The following MRTFB variants were observed in gnomAD, a reference collection of about 807,000 sequenced individuals.
The protein encoded by MRTFB is myocardin related transcription factor B, also known as myocardin-related transcription factor B.
A neutral mutation model predicts 104.2 loss-of-function variants in MRTFB; 29 were observed. The observed-to-expected ratio is 0.28, with a 90% CI of 0.21 to 0.38. The LOEUF is 0.38. MRTFB is among the 10% of genes least tolerant of loss of function. The pLI is 1.00. For missense variants in MRTFB, 1,270 were observed against 1,341.6 expected (o/e 0.95, Z 0.83); for synonymous variants, 535 against 519.5 (o/e 1.03, Z -0.41).
chr16:14,109,662 A>G lies in MRTFB; in HGVS notation c.-64+30308A>G, dbSNP rs1036081632. Among the ~76,000 whole-genome samples the G allele has an allele frequency of 1.4e-4, 21 of 152,206 alleles. 1 individual carries two copies. Among genetic ancestry groups the G allele is most frequent in the Admixed American group, 1.3e-3 (20 of 15,276 alleles). On this transcript the variant is annotated intron_variant, in intron 2 of 16. Coordinates refer to ENST00000571589, the MANE Select transcript of MRTFB (RefSeq NM_001308142.2). ...ATCACCAAGTTGTCCATTTTTATTT[A>G]GTATAAGTAATTGTCCCTGGTTACC...
intron 3 of MRTFB, among the ~76,000 whole-genome samples, chr16:14,194,881 C>T (rs2040362900): frequency 6.6e-6 from 1 of 152,082 alleles, no homozygotes; most frequent in Admixed American, 6.6e-5. Context: ...AGCCGTAAAG[C>T]TCCCAGGATG....
the MRTFB span, among the ~76,000 whole-genome samples, chr16:14,063,589 A>AT: frequency 6.6e-6 from 1 of 152,160 alleles, no homozygotes; most frequent in Non-Finnish European, 1.5e-5. Context: ...CCCACTTATA[A>AT]GTTAGAACAT....
At position 14,228,106 on chromosome 16, in the gene MRTFB, A is replaced by G. The variant is rs147405633; in HGVS notation, c.694-6040A>G. On this transcript the variant is annotated intron_variant, in intron 8 of 16. Transcript: ENST00000571589. Reference sequence around the variant, plus strand: ...AAGATACCACCTCATGCCCATTACAATGGCTACTATCAAAAGAACAAAAAA... The same window carrying G: ...AAGATACCACCTCATGCCCATTACAGTGGCTACTATCAAAAGAACAAAAAA... Among the ~76,000 whole-genome samples the G allele has an allele frequency of 1.6e-3, 248 of 152,340 alleles. 1 individual carries two copies. The highest frequency in any genetic ancestry group is 5.6e-3 in the African/African-American group (232 of 41,578).
At chr16:14,020,551 G>T in the MRTFB span, 48,748 of 151,986 alleles carry the variant, frequency 0.32, 8,828 homozygotes, top group Admixed American at 0.45. Context: ...ACTTTAGCCA[G>T]GTGGTCACGG....
intron 3 of MRTFB, chr16:14,152,216 A>C (rs894987273): frequency 2.0e-5 from 3 of 152,072 alleles, no homozygotes; most frequent in Non-Finnish European, 2.9e-5. Context: ...CACATCTCTA[A>C]ATTAAGTTTT....
At chr16:14,148,804 T>G (rs2038460859) in intron 3 of MRTFB, 1 of 152,712 alleles carries the variant, frequency 6.5e-6, no homozygotes, top group Admixed American at 6.5e-5. Flanking sequence ...CCCATGTGTC[T>G]CCCTGGCGGC....
chr16:14,214,806 T>A (rs226790), intron 6 of MRTFB: 10 of 152,314 alleles, frequency 6.6e-5, no homozygotes, highest in African/African-American at 2.4e-4. Context: ...GTGGTCTCTA[T>A]GACCCCAAGT....
At position 14,260,810 on chromosome 16, in the gene MRTFB, G is replaced by A. The variant is rs558519989; in HGVS notation, c.2765-99G>A. 18 of 1,001,430 alleles carry A rather than the reference G, an allele frequency of 1.8e-5. No individual in the cohort carries two copies. The South Asian group carries it at 2.8e-4, about 16-fold the overall frequency. 62.0% of individuals were successfully genotyped at this position (1,001,430 alleles called of 1,614,324 possible). A position where few individuals can be genotyped will look rare whatever the true frequency, so the allele number is the denominator to read the frequency against. Reference sequence around the variant, plus strand: ...ACTTCTAAGACGGACGTGCATAGAAGGAATCGCATAATAGCAATGTAACTG... The same window carrying A: ...ACTTCTAAGACGGACGTGCATAGAAAGAATCGCATAATAGCAATGTAACTG... On this transcript the variant is annotated intron_variant, in intron 16 of 16. Coordinates refer to ENST00000571589, the MANE Select transcript of MRTFB (RefSeq NM_001308142.2).
At chr16:14,230,780 C>G (rs1163649954) in intron 8 of MRTFB, among the ~76,000 whole-genome samples, 1 of 151,842 alleles carries the variant, frequency 6.6e-6, no homozygotes, top group African/African-American at 2.4e-5. Context: ...ATCCCATTAC[C>G]GGGTATATAC....
intron 3 of MRTFB, chr16:14,200,238 TAATACATCCATATGTTA>T (rs1319247688): frequency 7.4e-7 from 1 of 1,351,982 alleles, no homozygotes; most frequent in Non-Finnish European, 1.0e-6. Flanking sequence ...AGTATATGAA[TAATACATCCATATGTTA>T]GATACAGCCT....
At chr16:14,220,412 C>A (rs2041638403) in intron 8 of MRTFB, among the ~76,000 whole-genome samples, 1 of 152,118 alleles carries the variant, frequency 6.6e-6, no homozygotes, top group South Asian at 2.1e-4. Flanking sequence ...GTCACAACAG[C>A]CATCAGTTGT....
chr16:14,203,154 T>TC (rs2040784421), intron 3 of MRTFB, among the ~76,000 whole-genome samples: 2 of 152,272 alleles, frequency 1.3e-5, no homozygotes, highest in South Asian at 4.2e-4. Flanking sequence ...CTTTTTTTTT[T>TC]CACTCCTCAT....
upstream of MRTFB, among the ~76,000 whole-genome samples, chr16:14,068,897 T>C (rs1320671951): frequency 6.6e-6 from 1 of 151,776 alleles, no homozygotes; most frequent in Non-Finnish European, 1.5e-5. Flanking sequence ...AAATTCTCTC[T>C]TTCTCTTCCG....
In MRTFB at chr16:14,246,788, T is replaced by C. The variant is rs372479941; in HGVS notation, c.1528T>C (p.Ser510Pro). Reference protein sequence around the residue: ...HSPLPISPSPSEQSSLSTDDT... With the variant: ...HSPLPISPSPPEQSSLSTDDT... ...CCCTCTGCCCATTTCACCATCTCCC[T>C]CCGAACAGTCCAGTCTCAGTACTGA... Residue 510 changes from serine (S) to proline (P), a missense_variant, in exon 12 of 17, where the codon TCC becomes CCC. Transcript: ENST00000571589. The C allele has an allele frequency of 2.2e-5, 35 of 1,613,574 alleles. No individual in the cohort carries two copies. Among genetic ancestry groups the C allele is most frequent in the Non-Finnish European group, 2.8e-5 (33 of 1,180,016 alleles).
At chr16:14,249,945 G>T (rs1354148368) in intron 13 of MRTFB, among the ~76,000 whole-genome samples, 1 of 152,226 alleles carries the variant, frequency 6.6e-6, no homozygotes, top group Non-Finnish European at 1.5e-5. Context: ...TGCTGCTTCA[G>T]AATCTCCTCT....
In MRTFB at chr16:14,251,954, C is replaced by A; in HGVS notation, c.2496C>A (p.Ser832=). The change falls in exon 14 of 17, where the codon TCC becomes TCA. Residue 832 remains serine (S), a synonymous_variant. Transcript: ENST00000571589. ...AVQQPFINKA[S]NSVLQSRNAP... ...AGCAGCCCTTTATCAATAAGGCCTC[C>A]AACAGTGTTCTTCAATCCAGAAATG... The A allele has an allele frequency of 6.2e-7, 1 of 1,614,172 alleles. No individual in the cohort carries two copies. Among genetic ancestry groups the A allele is most frequent in the African/African-American group, 1.3e-5 (1 of 75,052 alleles).
At chr16:14,118,663 G>C (rs1333587222) in intron 2 of MRTFB, among the ~76,000 whole-genome samples, 1 of 151,740 alleles carries the variant, frequency 6.6e-6, no homozygotes, top group Non-Finnish European at 1.5e-5. Flanking sequence ...TTAGCCTGGT[G>C]TGGTGGTGCA....
intron 3 of MRTFB, chr16:14,144,872 C>T (rs1431647701): frequency 2.7e-5 from 4 of 150,772 alleles, no homozygotes; most frequent in Non-Finnish European, 5.9e-5. Context: ...TGGCATGAAC[C>T]CGGGAGGCGG....
chr16:14,099,273 T>A (rs2142038623), intron 2 of MRTFB, among the ~76,000 whole-genome samples: 1 of 152,194 alleles, frequency 6.6e-6, no homozygotes, highest in South Asian at 2.1e-4. Context: ...AAAGTAGAGA[T>A]CTTACACATC....
Sources: gnomAD v4.1 joint callset for allele counts (sites outside exome capture counted in the v4.1 genomes callset) on GRCh38, gnomAD v4.1.1 for gene constraint, MANE v1.5 for transcripts, NCBI Gene and HGNC (gene_info 2026-07-23, HGNC 2026-07-21) for gene names.